The following AMPD3 variants were observed in gnomAD, a reference collection of about 807,000 sequenced individuals.
AMPD3 encodes the protein AMP deaminase 3.
A neutral mutation model predicts 82.3 loss-of-function variants in AMPD3; 57 were observed. That is an observed-to-expected ratio of 0.69 (90% CI 0.56 to 0.86). AMPD3 has a LOEUF of 0.86. Ranked by LOEUF, AMPD3 falls within the 40% of genes least tolerant of loss-of-function variation. The pLI is 0.00. For missense variants in AMPD3, 870 were observed against 1,003.8 expected, an observed-to-expected ratio of 0.87 and a Z score of 1.80; for synonymous variants, 381 against 394.7, an observed-to-expected ratio of 0.97 and a Z score of 0.41.
In AMPD3 at chr11:10,507,407, G is replaced by A. The variant is rs1374001614; in HGVS notation, c.*1523G>A. On this transcript the variant is annotated 3_prime_UTR_variant, in exon 15 of 15. Coordinates refer to ENST00000396553, the MANE Select transcript of AMPD3 (RefSeq NM_001025389.2). ...AGGCAGATATATATGCTATCTTACA[G>A]CTAATTATGAAATTGAATGAAAATC... 1 of 151,742 alleles carries A rather than the reference G, an allele frequency of 6.6e-6. No individual in the cohort carries two copies. Among genetic ancestry groups the A allele is most frequent in the African/African-American group, 2.4e-5 (1 of 41,032 alleles). 9.4% of individuals were successfully genotyped at this position (151,742 alleles called of 1,614,324 possible).
At chr11:10,484,155 G>T (rs907470285) in intron 4 of AMPD3, 2 of 714,196 alleles carry the variant, frequency 2.8e-6, no homozygotes, top group Non-Finnish European at 3.4e-6. Context: ...GCTCAGAGAG[G>T]TAAAGGAGTT....
upstream of AMPD3, chr11:10,455,148 T>G (rs1038763859): frequency 5.1e-6 from 5 of 985,268 alleles, no homozygotes; most frequent in African/African-American, 8.7e-5. Context: ...CCTGAGCTCT[T>G]CTCCCCAGGA....
chr11:10,491,873 G>A (rs1026621294), intron 6 of AMPD3, among the ~76,000 whole-genome samples: 3 of 152,216 alleles, frequency 2.0e-5, no homozygotes, highest in African/African-American at 7.2e-5. Flanking sequence ...GAAGGCAATA[G>A]TATGTACAGT....
In AMPD3 at chr11:10,456,050, C is replaced by T. The variant is rs755252026; in HGVS notation, c.-6+602C>T. 56 of 1,064,158 alleles carry T rather than the reference C, an allele frequency of 5.3e-5. No individual in the cohort carries two copies. The African/African-American group carries it at 6.3e-4, about 12-fold the overall frequency. 65.9% of individuals were successfully genotyped at this position (1,064,158 alleles called of 1,614,324 possible). A position where few individuals can be genotyped will look rare whatever the true frequency, so the allele number is the denominator to read the frequency against. ...TTTACTGTTGTAAAGAGGAAGCCGC[C>T]GCTTTAGTTTCCTCTTGTGAGGGCT... On this transcript the variant is annotated intron_variant, in intron 1 of 14. Transcript: ENST00000396553. The surrounding 1 kb of genome is among the most constrained non-coding windows in gnomAD (Gnocchi z 4.3).
chr11:10,503,961 C>T (rs933720224), intron 13 of AMPD3: 40 of 985,264 alleles, frequency 4.1e-5, no homozygotes, highest in Admixed American at 1.2e-4. Context: ...AGGTCACAGA[C>T]GGCTTGTGAT....
At position 10,484,904 on chromosome 11, in the gene AMPD3, A is replaced by T. The variant is rs761302527; in HGVS notation, c.674A>T (p.Gln225Leu). Residue 225 changes from glutamine to leucine, a missense_variant, in exon 5 of 15, where the codon CAG (glutamine) becomes CTG (leucine). Gln to Leu is a moderately radical substitution (Grantham distance 113). Coordinates refer to ENST00000396553, the MANE Select transcript of AMPD3 (RefSeq NM_001025389.2). ...PPNLDYLVHM[Q>L]GGILFVYDNK... ...AACCTGGATTACTTGGTCCACATGC[A>T]GGGGGGCATCCTCTTTGTGTATGAT... The T allele has an allele frequency of 1.2e-6, 2 of 1,613,978 alleles. No individual in the cohort carries two copies. The highest frequency in any genetic ancestry group is 2.2e-5 in the South Asian group (2 of 91,070).
chr11:10,501,333 T>G, intron 11 of AMPD3, 137 bp from the exon 12 acceptor site: 2 of 1,455,806 alleles, frequency 1.4e-6, no homozygotes, highest in Non-Finnish European at 1.8e-6. Flanking sequence ...GAGGGGTAGT[T>G]TCCAGGGTGC....
chr11:10,486,172 G>T (rs1849063469), intron 5 of AMPD3, among the ~76,000 whole-genome samples: 2 of 152,182 alleles, frequency 1.3e-5, no homozygotes, highest in South Asian at 4.1e-4. Flanking sequence ...TGAGGATCCT[G>T]CCTAGGGAGA....
chr11:10,502,406 A>G (rs954638037), intron 12 of AMPD3: 11 of 985,330 alleles, frequency 1.1e-5, no homozygotes, highest in African/African-American at 1.7e-5. Context: ...AAAGGAGCTG[A>G]AGGTGTAGGC....
intron 3 of AMPD3, among the ~76,000 whole-genome samples, chr11:10,478,996 C>T (rs1848824713): frequency 6.6e-6 from 1 of 152,040 alleles, no homozygotes. Flanking sequence ...TCCACATGTT[C>T]TCTAAGTCCA....
chr11:10,450,746 TG>T (rs1218443795), upstream of AMPD3: 1 of 1,138,788 alleles, frequency 8.8e-7, no homozygotes, highest in Non-Finnish European at 1.1e-6. Flanking sequence ...CGGCTCTCTC[TG>T]CTCCGCTCCG....
At chr11:10,491,111 C>T (rs1020380979) in intron 6 of AMPD3, among the ~76,000 whole-genome samples, 4 of 152,176 alleles carry the variant, frequency 2.6e-5, no homozygotes, top group East Asian at 3.8e-4. Context: ...TGAGGTCAGC[C>T]GCCTCCTCAC....
chr11:10,496,578 G>A (rs1849407320), intron 9 of AMPD3: 1 of 983,530 alleles, frequency 1.0e-6, no homozygotes. Context: ...CTTCTGGCTT[G>A]AGAAAGTGCT....
intron 2 of AMPD3, among the ~76,000 whole-genome samples, chr11:10,475,227 C>T (rs1366959964): frequency 6.6e-6 from 1 of 151,996 alleles, no homozygotes; most frequent in African/African-American, 2.4e-5. Flanking sequence ...GGGGAAGGTG[C>T]TACACACTTT....
chr11:10,494,066 C>T (rs1389713768), intron 7 of AMPD3, among the ~76,000 whole-genome samples: 4 of 152,138 alleles, frequency 2.6e-5, no homozygotes, highest in Non-Finnish European at 5.9e-5. Context: ...TAGCAGCCAA[C>T]AGATAGAAAC....
chr11:10,461,600 A>G lies in AMPD3; in HGVS notation c.81A>G (p.Lys27=), dbSNP rs933731212. 3.1e-5 allele frequency: 50 copies of G among 1,614,128 alleles called. No individual in the cohort carries two copies. The highest frequency in any genetic ancestry group is 4.0e-5 in the Non-Finnish European group (47 of 1,180,056). Residue 27 remains lysine (K), a synonymous_variant, in exon 2 of 15, where the codon AAA becomes AAG. Coordinates refer to ENST00000396553, the MANE Select transcript of AMPD3 (RefSeq NM_001025389.2). ...VRLLAEKVFA[K]VLREEDSKDA... ...TCCTGGCGGAGAAGGTGTTTGCTAAAGTGCTCCGAGAAGAGGACAGCAAAG... is the reference window on the plus strand; with the variant it reads ...TCCTGGCGGAGAAGGTGTTTGCTAAGGTGCTCCGAGAAGAGGACAGCAAAG...
In AMPD3 at chr11:10,494,840, G is replaced by A. The variant is rs1849343561; in HGVS notation, c.1135-59G>A. The stretch of plus-strand genomic sequence containing the variant: ...AGGCCGCCTCGTAAAGGTCTAGAGA[G>A]GGGAACGTGCATGGTGGCTGCAGAA... On this transcript the variant is annotated intron_variant, in intron 7 of 14. Coordinates refer to ENST00000396553, the MANE Select transcript of AMPD3 (RefSeq NM_001025389.2). 5 of 1,587,516 alleles carry A rather than the reference G, an allele frequency of 3.1e-6. No individual in the cohort carries two copies. The African/African-American group carries it at 6.7e-5, about 21-fold the overall frequency.
rs984158996 is a variant in AMPD3 at position 10,495,391 on chromosome 11, C to A, written c.1267-179C>A. On this transcript the variant is annotated intron_variant, in intron 8 of 14. Coordinates refer to ENST00000396553, the MANE Select transcript of AMPD3 (RefSeq NM_001025389.2). ...CCAAGGCCTTCCTCACCAGAGGGGG[C>A]CTCTCCTAAAGTGGAACAAGAGCTT... is the stretch of plus-strand genomic sequence containing the variant. 13 of 984,362 alleles carry A rather than the reference C, an allele frequency of 1.3e-5. No individual in the cohort carries two copies. In the African/African-American group the frequency reaches 2.3e-4, roughly 17 times the overall value. 61.0% of individuals were successfully genotyped at this position (984,362 alleles called of 1,614,324 possible).
intron 2 of AMPD3, among the ~76,000 whole-genome samples, chr11:10,472,405 C>A (rs1848620711): frequency 6.6e-6 from 1 of 151,902 alleles, no homozygotes; most frequent in South Asian, 2.1e-4. Context: ...AACAAACCTG[C>A]ACATTCTTTA....
Sources: gnomAD v4.1 joint callset for allele counts (sites outside exome capture counted in the v4.1 genomes callset) on GRCh38, gnomAD v4.1.1 for gene constraint, Gnocchi (gnomAD v3.1) non-coding constraint, MANE v1.5 for transcripts, NCBI Gene and HGNC (gene_info 2026-07-23, HGNC 2026-07-21) for gene names.